RPIA: variants seen among roughly 807,000 people sequenced by gnomAD.
RPIA encodes the protein ribose-5-phosphate isomerase.
Under a neutral mutation model 37.8 loss-of-function variants are expected in RPIA, and 29 were observed. That is an observed-to-expected ratio of 0.77 (90% CI 0.57 to 1.05). The LOEUF (loss-of-function observed/expected upper bound fraction) is 1.05, where lower values mean the gene tolerates loss of function less well. RPIA is among the 50% of genes least tolerant of loss of function. The pLI is 0.00. For synonymous variants in RPIA, 167 were observed against 157.0 expected (o/e 1.06, Z -0.48); for missense variants, 385 against 413.6 (o/e 0.93, Z 0.60).
chr2:88,735,954 G>A (rs933554918), intron 6 of RPIA, among the ~76,000 whole-genome samples: 1 of 152,208 alleles, frequency 6.6e-6, no homozygotes, highest in African/African-American at 2.4e-5. Context: ...CCGCAGCCAG[G>A]ATCTCTAGCA....
chr2:88,704,056 C>G (rs1388769064), intron 3 of RPIA, among the ~76,000 whole-genome samples: 1 of 152,194 alleles, frequency 6.6e-6, no homozygotes, highest in Non-Finnish European at 1.5e-5. Flanking sequence ...AGTTTTTCAT[C>G]TCCATCTGGA....
chr2:88,693,141 T>C (rs1254879468), intron 1 of RPIA, among the ~76,000 whole-genome samples: 2 of 152,236 alleles, frequency 1.3e-5, no homozygotes, highest in African/African-American at 4.8e-5. Context: ...TTTCAAAATA[T>C]CTGCATACAG....
At chr2:88,704,915 T>C (rs1488257505) in intron 3 of RPIA, among the ~76,000 whole-genome samples, 3 of 152,114 alleles carry the variant, frequency 2.0e-5, no homozygotes, top group Non-Finnish European at 4.4e-5. Context: ...AGCATTCCTA[T>C]ACACCAACAA....
chr2:88,737,030 C>T (rs978947001), intron 7 of RPIA, among the ~76,000 whole-genome samples: 2 of 152,088 alleles, frequency 1.3e-5, no homozygotes, highest in Non-Finnish European at 2.9e-5. Context: ...CTGCTTGGAA[C>T]AGAAAGTTTT....
At chr2:88,702,638 C>T (rs753497798) in intron 3 of RPIA, among the ~76,000 whole-genome samples, 3 of 152,180 alleles carry the variant, frequency 2.0e-5, no homozygotes, top group Non-Finnish European at 2.9e-5. Flanking sequence ...CAGGTCACTC[C>T]CACAACACAT....
chr2:88,693,922 A>G (rs549698242), intron 1 of RPIA, among the ~76,000 whole-genome samples: 1 of 152,350 alleles, frequency 6.6e-6, no homozygotes, highest in East Asian at 1.9e-4. Flanking sequence ...ATGCAGAACT[A>G]GGCTCTTCTG....
chr2:88,714,209 C>A (rs865869937), intron 3 of RPIA, among the ~76,000 whole-genome samples: 2 of 151,062 alleles, frequency 1.3e-5, no homozygotes, highest in East Asian at 1.9e-4. Flanking sequence ...TTCACTCTGT[C>A]GCCCAGGATG....
chr2:88,728,198 G>A (rs935879166), intron 3 of RPIA, among the ~76,000 whole-genome samples: 3 of 152,102 alleles, frequency 2.0e-5, no homozygotes, highest in Non-Finnish European at 4.4e-5. Flanking sequence ...CAAATCTGGG[G>A]TTCAAAGTTT....
rs756328504 is a variant in RPIA, at chr2:88,749,975, C to G, written c.839-6C>G. The stretch of plus-strand genomic sequence containing the variant: ...ACAATGTTTCTTTCTGTCCTTTGTC[C>G]TGCAGGTGTGGTGGACACAGGCCTA... On this transcript the variant is annotated splice_region_variant and splice_polypyrimidine_tract_variant and intron_variant, in intron 8 of 8. Coordinates refer to ENST00000283646, the MANE Select transcript of RPIA (RefSeq NM_144563.3). 36 of 1,605,966 alleles carry G rather than the reference C, an allele frequency of 2.2e-5. No homozygotes were observed. The highest frequency in any genetic ancestry group is 3.0e-5 in the Non-Finnish European group (35 of 1,173,082).
intron 3 of RPIA, among the ~76,000 whole-genome samples, chr2:88,724,443 A>G (rs1212435223): frequency 1.3e-5 from 2 of 151,982 alleles, no homozygotes; most frequent in Admixed American, 6.6e-5. Context: ...AGTAGATGGG[A>G]TTACAAGCAT....
rs1055444808 is a variant in RPIA, at chr2:88,734,540, C to T, written c.463-12C>T. 3 of 1,607,916 alleles carry T rather than the reference C, an allele frequency of 1.9e-6. No homozygotes were observed. Among genetic ancestry groups the T allele is most frequent in the African/African-American group, 1.3e-5 (1 of 74,726 alleles). On this transcript the variant is annotated splice_polypyrimidine_tract_variant and intron_variant, in intron 4 of 8. Coordinates refer to ENST00000283646, the MANE Select transcript of RPIA (RefSeq NM_144563.3). ...GAGTGGTTTTTGTATCTTTACCTTT[C>T]CCCCAATACAGATCGACCTTGCCAT...
At chr2:88,737,774 CTCTCAA>C (rs1312072327) in intron 7 of RPIA, among the ~76,000 whole-genome samples, 197 bp from the exon 8 acceptor site, 1 of 149,138 alleles carries the variant, frequency 6.7e-6, no homozygotes, top group African/African-American at 2.5e-5. Flanking sequence ...CTCTCTCTCT[CTCTCAA>C]AAAAAAAAAA....
At chr2:88,708,480 AG>A (rs1445669638) in intron 3 of RPIA, among the ~76,000 whole-genome samples, 1 of 152,256 alleles carries the variant, frequency 6.6e-6, no homozygotes, top group Non-Finnish European at 1.5e-5. Flanking sequence ...ATGGTATTTA[AG>A]ATCTTCGTCT....
intron 1 of RPIA, among the ~76,000 whole-genome samples, chr2:88,692,336 T>C (rs766443592): frequency 1.3e-5 from 2 of 152,170 alleles, no homozygotes; most frequent in Non-Finnish European, 2.9e-5. Context: ...ATGGTGGGCT[T>C]TGGGGCTGCG....
In RPIA at chr2:88,750,894, A is replaced by T. The variant is rs1341177740; in HGVS notation, c.*816A>T. 1 of 394,828 alleles carries T rather than the reference A, an allele frequency of 2.5e-6. No individual in the cohort carries two copies. The highest frequency in any genetic ancestry group is 4.5e-6 in the Non-Finnish European group (1 of 224,324). 24.5% of individuals were successfully genotyped at this position (394,828 alleles called of 1,614,324 possible). A position where few individuals can be genotyped will look rare whatever the true frequency, so the allele number is the denominator to read the frequency against. On this transcript the variant is annotated 3_prime_UTR_variant, in exon 9 of 9. Transcript: ENST00000283646. ...GCGTCAGAAGTCCTTACCTCTTTAT[A>T]TTGTTTGCAGGTTTAAATAAAACAG...
chr2:88,696,918 G>A lies in RPIA; in HGVS notation c.286-1566G>A, dbSNP rs114043765. 1.7e-3 allele frequency among the ~76,000 whole-genome samples: 263 copies of A among 152,166 alleles called. 2 individuals carry two copies. Among genetic ancestry groups the A allele is most frequent in the African/African-American group, 6.2e-3 (257 of 41,494 alleles). On this transcript the variant is annotated intron_variant, in intron 1 of 8. Coordinates refer to ENST00000283646, the MANE Select transcript of RPIA (RefSeq NM_144563.3). ...CCCACTTCTTAATATTGTTATAATGGCAATTAAATTTCAACGTGAGTTTTG... is the reference window on the plus strand; with the variant it reads ...CCCACTTCTTAATATTGTTATAATGACAATTAAATTTCAACGTGAGTTTTG...
intron 8 of RPIA, among the ~76,000 whole-genome samples, chr2:88,745,516 T>C (rs1411714560): frequency 6.6e-6 from 1 of 152,216 alleles, no homozygotes; most frequent in East Asian, 1.9e-4. Context: ...AAAATGACTG[T>C]ATCTCTTCCT....
At position 88,750,283 on chromosome 2, in the gene RPIA, T is replaced by C. The variant is rs888684279; in HGVS notation, c.*205T>C. 2.3e-6 allele frequency: 1 copy of C among 441,150 alleles called. No individual in the cohort carries two copies. Among genetic ancestry groups the C allele is most frequent in the African/African-American group, 2.0e-5 (1 of 51,092 alleles). The allele number at this position is 441,150 out of a possible 1,614,324, so 27.3% of individuals were successfully genotyped here. A position where few individuals can be genotyped will look rare whatever the true frequency, so the allele number is the denominator to read the frequency against. ...TTTTAAAAAGAGAAATATAAACATATATTTTTACTATTAAAATATTCAGTT... is the reference window on the plus strand; with the variant it reads ...TTTTAAAAAGAGAAATATAAACATACATTTTTACTATTAAAATATTCAGTT... On this transcript the variant is annotated 3_prime_UTR_variant, in exon 9 of 9. Coordinates refer to ENST00000283646, the MANE Select transcript of RPIA (RefSeq NM_144563.3).
At chr2:88,742,707 C>G (rs1225079363) in intron 8 of RPIA, among the ~76,000 whole-genome samples, 1 of 151,954 alleles carries the variant, frequency 6.6e-6, no homozygotes, top group East Asian at 1.9e-4. Flanking sequence ...TTTGTGTTGT[C>G]TGTGGTTTTT....
Sources: gnomAD v4.1 joint callset for allele counts (sites outside exome capture counted in the v4.1 genomes callset) on GRCh38, gnomAD v4.1.1 for gene constraint, MANE v1.5 for transcripts, NCBI Gene and HGNC (gene_info 2026-07-23, HGNC 2026-07-21) for gene names.